The following WDR64 variants were observed in gnomAD, a reference collection of about 807,000 sequenced individuals.
The protein encoded by WDR64 is WD repeat domain 64, also known as WD repeat-containing protein 64.
In WDR64, 112 loss-of-function variants were observed where a neutral mutation model predicts 139.3. The observed-to-expected ratio is 0.80, with a 90% CI of 0.69 to 0.94. WDR64 has a LOEUF of 0.94. Ranked by LOEUF, WDR64 falls within the 40% of genes least tolerant of loss-of-function variation. WDR64 has a pLI of 0.00. For synonymous variants in WDR64, 444 were observed against 437.7 expected, an observed-to-expected ratio of 1.01 and a Z score of -0.18; for missense variants, 1,206 against 1,293.1, an observed-to-expected ratio of 0.93 and a Z score of 1.03.
intron 27 of WDR64, 39 bp downstream of exon 27, chr1:241,796,409 G>A (rs761021480): frequency 7.5e-7 from 1 of 1,330,082 alleles, no homozygotes; most frequent in African/African-American, 1.5e-5. Context: ...TCCAATTTCA[G>A]TGTATCCTAT....
At chr1:241,711,286 G>A (rs1668156814) in intron 8 of WDR64, among the ~76,000 whole-genome samples, 1 of 151,790 alleles carries the variant, frequency 6.6e-6, no homozygotes, top group East Asian at 1.9e-4. Flanking sequence ...GTTTATTGCA[G>A]TAGTTCTGGT....
intron 8 of WDR64, among the ~76,000 whole-genome samples, chr1:241,705,647 G>A (rs1404100569): frequency 6.6e-6 from 1 of 151,802 alleles, no homozygotes; most frequent in East Asian, 1.9e-4. Flanking sequence ...GAGGGCAGGG[G>A]CATGATTATA....
intron 22 of WDR64, among the ~76,000 whole-genome samples, chr1:241,782,149 G>A (rs977259005): frequency 3.9e-5 from 6 of 152,292 alleles, no homozygotes; most frequent in Middle Eastern, 3.4e-3. Flanking sequence ...TTAGCTGGGC[G>A]TGGCGGCACG....
At chr1:241,659,214 G>A (rs973254557) in intron 1 of WDR64, among the ~76,000 whole-genome samples, 4 of 152,062 alleles carry the variant, frequency 2.6e-5, no homozygotes, top group South Asian at 2.1e-4. Flanking sequence ...CCAGATCCAC[G>A]CATGTCCCTG....
Position 241,802,101 on chromosome 1 carries a change from A to G in WDR64, c.*886A>G. On this transcript the variant is annotated 3_prime_UTR_variant, in exon 28 of 28. Coordinates refer to ENST00000437684, the MANE Select transcript of WDR64 (RefSeq NM_001367482.1). ...AAGAAAATAAACAAGAATCTTTATA[A>G]AAGTTTTATAAAGTTATTAATAATA... 2.5e-6 allele frequency: 1 copy of G among 397,988 alleles called. No individual in the cohort carries two copies. Among genetic ancestry groups the G allele is most frequent in the Non-Finnish European group, 4.4e-6 (1 of 225,768 alleles). 24.7% of individuals were successfully genotyped at this position (397,988 alleles called of 1,614,324 possible).
In WDR64 at chr1:241,683,539, T is replaced by C. The variant is rs369596963; in HGVS notation, c.677T>C (p.Val226Ala). 7.7e-6 allele frequency: 12 copies of C among 1,551,732 alleles called. No individual in the cohort carries two copies. Among genetic ancestry groups the C allele is most frequent in the African/African-American group, 1.4e-5 (1 of 73,026 alleles). Residue 226 changes from valine (V) to alanine (A), a missense_variant, in exon 7 of 28, where the codon GTG becomes GCG. Val to Ala is a moderately conservative substitution (Grantham distance 64). Coordinates refer to ENST00000437684, the MANE Select transcript of WDR64 (RefSeq NM_001367482.1). ...GATCACTGCCTCCTGTGTGTGTGTG[T>C]GGTGCCTTTGCCTGACCATCTCTGC... ...PMDHCLLCVC[V>A]VPLPDHLCRD... is the part of the protein sequence containing the mutation.
chr1:241,749,799 C>T (rs1669913133), intron 14 of WDR64, 77 bp downstream of exon 14: 3 of 1,458,056 alleles, frequency 2.1e-6, no homozygotes, highest in Admixed American at 3.7e-5. Flanking sequence ...ATAATCCCCA[C>T]CATGTAACCC....
At chr1:241,667,108 C>T (rs988300232) in intron 2 of WDR64, among the ~76,000 whole-genome samples, 2 of 152,228 alleles carry the variant, frequency 1.3e-5, no homozygotes, top group African/African-American at 2.4e-5. Context: ...GTATCATTGA[C>T]GTAGGAGACA....
chr1:241,702,758 C>T (rs896055320), intron 8 of WDR64, among the ~76,000 whole-genome samples: 2 of 151,996 alleles, frequency 1.3e-5, no homozygotes, highest in African/African-American at 4.8e-5. Flanking sequence ...ATCTTATGAC[C>T]CATAAAATTG....
intron 2 of WDR64, among the ~76,000 whole-genome samples, 158 bp from the exon 3 acceptor site, chr1:241,670,916 T>C (rs1666199990): frequency 6.6e-6 from 1 of 152,196 alleles, no homozygotes; most frequent in Non-Finnish European, 1.5e-5. Flanking sequence ...ACTGCTGTAT[T>C]AAACTGTCTC....
intron 6 of WDR64, among the ~76,000 whole-genome samples, chr1:241,683,106 T>G (rs1215132032): frequency 6.6e-6 from 1 of 152,238 alleles, no homozygotes; most frequent in Non-Finnish European, 1.5e-5. Context: ...ACTTTGATAT[T>G]TGATTTTCCT....
intron 24 of WDR64, among the ~76,000 whole-genome samples, chr1:241,790,290 G>A: frequency 6.6e-6 from 1 of 152,184 alleles, no homozygotes; most frequent in Middle Eastern, 3.2e-3. Flanking sequence ...GGCAGAGGTT[G>A]CAGTGAGCCG....
intron 15 of WDR64, among the ~76,000 whole-genome samples, chr1:241,759,534 TTA>T: frequency 6.6e-6 from 1 of 152,296 alleles, no homozygotes; most frequent in Non-Finnish European, 1.5e-5. Flanking sequence ...AGTTTTTGGT[TTA>T]TGTTTCCATG....
intron 11 of WDR64, among the ~76,000 whole-genome samples, chr1:241,738,973 C>T (rs997836059): frequency 1.1e-4 from 16 of 152,280 alleles, no homozygotes; most frequent in Middle Eastern, 3.4e-3. Context: ...TATTTTACAG[C>T]GGCTGCACCA....
chr1:241,773,842 C>T (rs978564855), intron 20 of WDR64, among the ~76,000 whole-genome samples: 2 of 152,052 alleles, frequency 1.3e-5, no homozygotes, highest in Non-Finnish European at 2.9e-5. Flanking sequence ...AAATATATGC[C>T]ACTAAATATC....
At chr1:241,706,483 A>G (rs1355201759) in intron 8 of WDR64, among the ~76,000 whole-genome samples, 2 of 152,248 alleles carry the variant, frequency 1.3e-5, no homozygotes, top group Non-Finnish European at 2.9e-5. Flanking sequence ...AAACCTGTAA[A>G]TGAGTCATCA....
chr1:241,777,305 T>C (rs1402099941), intron 21 of WDR64, among the ~76,000 whole-genome samples: 2 of 152,158 alleles, frequency 1.3e-5, no homozygotes, highest in Non-Finnish European at 2.9e-5. Flanking sequence ...GAAGCTTAGA[T>C]TGTTGATTTT....
intron 24 of WDR64, among the ~76,000 whole-genome samples, chr1:241,789,074 C>T (rs773774109): frequency 3.9e-5 from 6 of 151,990 alleles, no homozygotes; most frequent in Non-Finnish European, 8.8e-5. Flanking sequence ...TCAGTGCTCA[C>T]CACACAGCAG....
At chr1:241,762,655 G>T (rs2148286305) in intron 15 of WDR64, among the ~76,000 whole-genome samples, 1 of 152,080 alleles carries the variant, frequency 6.6e-6, no homozygotes, top group Admixed American at 6.6e-5. Context: ...GAAGAAAACT[G>T]CAAGTTACAG....
Sources: gnomAD v4.1 joint callset for allele counts (sites outside exome capture counted in the v4.1 genomes callset) on GRCh38, gnomAD v4.1.1 for gene constraint, MANE v1.5 for transcripts, NCBI Gene and HGNC (gene_info 2026-07-23, HGNC 2026-07-21) for gene names.